Variants in LBH observed in about 807,000 individuals in gnomAD.
LBH encodes the protein LBH regulator of Wnt signaling pathway.
A neutral mutation model predicts 12.5 loss-of-function variants in LBH; 7 were observed. The ratio of observed to expected loss-of-function variants is 0.56; its 90% CI spans 0.32 to 1.05. The LOEUF (loss-of-function observed/expected upper bound fraction) is 1.05. LBH is among the 50% of genes least tolerant of loss of function. The pLI, the probability that LBH is intolerant of heterozygous loss-of-function variation, is 0.04. For synonymous variants in LBH, 51 were observed against 50.1 expected (o/e 1.02, Z -0.08); for missense variants, 119 against 138.9 (o/e 0.86, Z 0.72).
intron 2 of LBH, among the ~76,000 whole-genome samples, chr2:30,239,556 G>A (rs941570565): frequency 1.3e-5 from 2 of 152,198 alleles, no homozygotes; most frequent in African/African-American, 2.4e-5. Flanking sequence ...AGTCCCTGGA[G>A]AGACATAGAG....
intron 1 of LBH, among the ~76,000 whole-genome samples, chr2:30,231,974 G>A (rs569227715): frequency 2.1e-3 from 326 of 151,672 alleles, no homozygotes; most frequent in African/African-American, 7.5e-3. Context: ...GACAAAGGAC[G>A]TGAACTCGGA....
intron 2 of LBH, among the ~76,000 whole-genome samples, chr2:30,246,103 C>T (rs984915687): frequency 3.3e-5 from 5 of 152,060 alleles, no homozygotes; most frequent in South Asian, 2.1e-4. Context: ...GAATCACAGG[C>T]GTGCACCACC....
intron 2 of LBH, among the ~76,000 whole-genome samples, chr2:30,254,907 C>T (rs1678053566): frequency 6.6e-6 from 1 of 152,272 alleles, no homozygotes; most frequent in African/African-American, 2.4e-5. Context: ...GGCTGGGGCC[C>T]TCACAGCTGC....
At chr2:30,247,853 A>G (rs556528383) in intron 2 of LBH, among the ~76,000 whole-genome samples, 3 of 152,332 alleles carry the variant, frequency 2.0e-5, no homozygotes, top group South Asian at 4.1e-4. Context: ...GATGCCAAGT[A>G]TGGTTTGCTG....
intron 1 of LBH, 80 bp from the exon 2 acceptor site, chr2:30,234,324 TC>T: frequency 9.3e-7 from 1 of 1,071,570 alleles, no homozygotes; most frequent in Non-Finnish European, 1.4e-6. Flanking sequence ...AGTCCCCTGA[TC>T]CCACAGCAGT....
intron 1 of LBH, chr2:30,232,113 A>T (rs1440065003): frequency 6.5e-7 from 1 of 1,542,472 alleles, no homozygotes; most frequent in Non-Finnish European, 8.7e-7. Flanking sequence ...CACTTGGCGC[A>T]GGGGGGCTCC....
chr2:30,232,234 G>A (rs911559486), intron 1 of LBH: 5 of 960,450 alleles, frequency 5.2e-6, no homozygotes, highest in Non-Finnish European at 7.7e-6. Flanking sequence ...GCAGAGCTCC[G>A]GGGGGGTGGG....
rs75993962 is a variant in LBH at position 30,232,437 on chromosome 2, G to C, written c.26+673G>C. ...CCCGGGCCGGGCGCGGGGCGTCGGAGGTTTGCCCCGGACTGGGGATCGGAG... is the reference window on the plus strand; with the variant it reads ...CCCGGGCCGGGCGCGGGGCGTCGGACGTTTGCCCCGGACTGGGGATCGGAG... On this transcript the variant is annotated intron_variant, in intron 1 of 2. Coordinates refer to ENST00000395323, the MANE Select transcript of LBH (RefSeq NM_030915.4). 1.7e-3 allele frequency: 900 copies of C among 543,664 alleles called. 8 individuals are homozygous for C. Among genetic ancestry groups the C allele is most frequent in the African/African-American group, 0.016 (801 of 51,258 alleles). 33.7% of individuals were successfully genotyped at this position (543,664 alleles called of 1,614,324 possible).
At chr2:30,243,525 CTTTTTTTTTTT>C (rs886828942) in intron 2 of LBH, among the ~76,000 whole-genome samples, 1 of 110,148 alleles carries the variant, frequency 9.1e-6, no homozygotes, top group African/African-American at 3.9e-5. Flanking sequence ...GGGCTGGACT[CTTTTTTTTTTT>C]TTTTTTTTTT....
At position 30,258,921 on chromosome 2, in the gene LBH, C is replaced by G. The variant is rs1678135118; in HGVS notation, c.*1300C>G. The G allele has an allele frequency of 6.6e-6, 1 of 152,238 alleles. No homozygotes were observed. The allele number at this position is 152,238 out of a possible 1,614,324, so 9.4% of individuals were successfully genotyped here. A position where few individuals can be genotyped will look rare whatever the true frequency, so the allele number is the denominator to read the frequency against. On this transcript the variant is annotated 3_prime_UTR_variant, in exon 3 of 3. Coordinates refer to ENST00000395323, the MANE Select transcript of LBH (RefSeq NM_030915.4). ...GTCCTTACTCAACAGTGGTCCTCATCCCTCCCCACCTCCCACTGCTTCCTG... is the reference window on the plus strand; with the variant it reads ...GTCCTTACTCAACAGTGGTCCTCATGCCTCCCCACCTCCCACTGCTTCCTG...
intron 2 of LBH, among the ~76,000 whole-genome samples, chr2:30,252,387 G>C (rs565097184): frequency 6.6e-6 from 1 of 152,288 alleles, no homozygotes; most frequent in East Asian, 1.9e-4. Flanking sequence ...TTTAGGCCAG[G>C]TGCAGTGGCT....
intron 2 of LBH, among the ~76,000 whole-genome samples, chr2:30,251,735 T>G (rs1451861428): frequency 6.6e-6 from 1 of 152,028 alleles, no homozygotes; most frequent in Non-Finnish European, 1.5e-5. Flanking sequence ...TTATTTTTAT[T>G]AACAGAAATT....
At chr2:30,254,346 T>C (rs1032742263) in intron 2 of LBH, among the ~76,000 whole-genome samples, 2 of 152,186 alleles carry the variant, frequency 1.3e-5, no homozygotes, top group East Asian at 3.9e-4. Flanking sequence ...CACAATATCT[T>C]ATTGTACCGT....
chr2:30,253,930 G>A (rs1678031828), intron 2 of LBH, among the ~76,000 whole-genome samples: 1 of 152,168 alleles, frequency 6.6e-6, no homozygotes, highest in South Asian at 2.1e-4. Context: ...GAGCACCTGG[G>A]TTGTGTGGCT....
In LBH at chr2:30,253,896, T is replaced by C. The variant is rs80240386; in HGVS notation, c.130-3537T>C. ...GGTTGAGAGGACTTGACCGGAGTTA[T>C]ACAATGGTGGTCAAGGACATAGTGA... On this transcript the variant is annotated intron_variant, in intron 2 of 2. Transcript: ENST00000395323. Among the ~76,000 whole-genome samples the C allele has an allele frequency of 1.7e-3, 263 of 152,322 alleles. 7 individuals carry two copies. The East Asian group carries it at 0.035, about 20-fold the overall frequency.
At chr2:30,248,198 A>G (rs1307350125) in intron 2 of LBH, among the ~76,000 whole-genome samples, 1 of 152,236 alleles carries the variant, frequency 6.6e-6, no homozygotes, top group Non-Finnish European at 1.5e-5. Context: ...TGATCAACTA[A>G]AATCTCCAAG....
At chr2:30,247,865 C>T (rs1677902754) in intron 2 of LBH, among the ~76,000 whole-genome samples, 3 of 152,200 alleles carry the variant, frequency 2.0e-5, no homozygotes, top group Admixed American at 1.3e-4. Flanking sequence ...GGTTTGCTGC[C>T]ACTATGTTAA....
intron 2 of LBH, among the ~76,000 whole-genome samples, chr2:30,251,675 A>G (rs942575004): frequency 2.1e-5 from 3 of 142,434 alleles, no homozygotes; most frequent in African/African-American, 8.0e-5. Context: ...TCAAGAAAAA[A>G]AAAAAAAAAA....
At chr2:30,252,867 G>C (rs746612597) in intron 2 of LBH, among the ~76,000 whole-genome samples, 3 of 152,196 alleles carry the variant, frequency 2.0e-5, no homozygotes, top group Non-Finnish European at 4.4e-5. Flanking sequence ...GCTGGGGGTG[G>C]ATTCTTCTAG....
Sources: allele counts gnomAD v4.1 joint callset (sites outside exome capture counted in the v4.1 genomes callset), GRCh38; gene constraint gnomAD v4.1.1; transcripts MANE v1.5; gene names NCBI Gene and HGNC (gene_info 2026-07-23, HGNC 2026-07-21).